TBC1D5: variants seen among roughly 807,000 people sequenced by gnomAD.
TBC1D5 encodes TBC1 domain family, member 5.
Under a neutral mutation model 100.3 loss-of-function variants are expected in TBC1D5, and 75 were observed. The observed-to-expected ratio is 0.75, with a 90% CI of 0.62 to 0.91. TBC1D5 has a LOEUF of 0.91. Ranked by LOEUF, TBC1D5 falls within the 40% of genes least tolerant of loss-of-function variation. The probability of loss-of-function intolerance (pLI) is 0.00; values close to 1 mark genes in which losing one functional copy is unlikely to be tolerated. For missense variants in TBC1D5, 910 were observed against 942.4 expected (o/e 0.97, Z 0.45); for synonymous variants, 323 against 325.6 (o/e 0.99, Z 0.09).
chr3:17,685,045 AT>A (rs747953937), intron 1 of TBC1D5, among the ~76,000 whole-genome samples: 3 of 152,202 alleles, frequency 2.0e-5, no homozygotes, highest in Non-Finnish European at 2.9e-5. Flanking sequence ...TGAGGTTTAC[AT>A]GTTCAATCAC....
intron 16 of TBC1D5, among the ~76,000 whole-genome samples, chr3:17,242,290 A>G (rs2076369637): frequency 6.6e-6 from 1 of 152,132 alleles, no homozygotes; most frequent in South Asian, 2.1e-4. Context: ...CTGGATCTAA[A>G]TATTTACAAA....
intron 9 of TBC1D5, among the ~76,000 whole-genome samples, chr3:17,379,036 T>C (rs17043527): frequency 0.022 from 3,393 of 151,980 alleles, 122 homozygotes; most frequent in African/African-American, 0.076. Context: ...TAACAATAAC[T>C]GTACCATTAT....
chr3:17,632,613 T>C (rs1041467291), intron 1 of TBC1D5, among the ~76,000 whole-genome samples: 1 of 152,202 alleles, frequency 6.6e-6, no homozygotes, highest in African/African-American at 2.4e-5. Context: ...AAGAAATTGC[T>C]ACAGACAAGC....
At chr3:17,451,497 A>C (rs1052621504) in intron 3 of TBC1D5, among the ~76,000 whole-genome samples, 1 of 152,182 alleles carries the variant, frequency 6.6e-6, no homozygotes, top group Non-Finnish European at 1.5e-5. Context: ...AAAAGTCAGG[A>C]AACAACAGAT....
chr3:17,327,046 A>T (rs1168033954), intron 13 of TBC1D5, among the ~76,000 whole-genome samples: 1 of 152,188 alleles, frequency 6.6e-6, no homozygotes, highest in East Asian at 1.9e-4. Context: ...TGATACCAAC[A>T]TTATTAACAC....
intron 18 of TBC1D5, among the ~76,000 whole-genome samples, chr3:17,191,185 T>G (rs191417064): frequency 6.6e-6 from 1 of 152,338 alleles, no homozygotes; most frequent in East Asian, 1.9e-4. Flanking sequence ...ATCACAAGCC[T>G]TAAAATCAGT....
chr3:17,204,144 G>A (rs202086427), intron 18 of TBC1D5, among the ~76,000 whole-genome samples: 1 of 152,200 alleles, frequency 6.6e-6, no homozygotes, highest in East Asian at 1.9e-4. Context: ...GAGATGCCAG[G>A]GACAAGAGGT....
At chr3:17,599,265 C>A (rs1351030966) in intron 2 of TBC1D5, among the ~76,000 whole-genome samples, 1 of 152,046 alleles carries the variant, frequency 6.6e-6, no homozygotes, top group Non-Finnish European at 1.5e-5. Context: ...TTTTCCAAAA[C>A]CACCCTGGCC....
chr3:17,404,600 G>A, intron 7 of TBC1D5, 94 bp downstream of exon 7: 2 of 1,140,954 alleles, frequency 1.8e-6, no homozygotes, highest in Non-Finnish European at 2.5e-6. Flanking sequence ...CAGTTAGCAT[G>A]AAATATATTG....
chr3:17,556,675 CA>C (rs2096524329), intron 2 of TBC1D5, among the ~76,000 whole-genome samples: 1 of 152,096 alleles, frequency 6.6e-6, no homozygotes, highest in South Asian at 2.1e-4. Context: ...TCTGATTTAT[CA>C]AAAAGGTAAC....
chr3:17,296,507 C>A (rs890483994), intron 14 of TBC1D5, among the ~76,000 whole-genome samples: 2 of 152,070 alleles, frequency 1.3e-5, no homozygotes, highest in East Asian at 3.9e-4. Context: ...ATGTGATTGC[C>A]AATGGACCAG....
At chr3:17,353,492 T>C (rs2090874569) in intron 13 of TBC1D5, among the ~76,000 whole-genome samples, 1 of 152,100 alleles carries the variant, frequency 6.6e-6, no homozygotes, top group Admixed American at 6.6e-5. Flanking sequence ...TTTGCATAAA[T>C]ATCAGACAAT....
intron 1 of TBC1D5, among the ~76,000 whole-genome samples, chr3:17,659,284 G>A (rs1428935841): frequency 6.6e-6 from 1 of 152,106 alleles, no homozygotes; most frequent in African/African-American, 2.4e-5. Flanking sequence ...AAAAAGTCAA[G>A]GTGCTGAATA....
intron 1 of TBC1D5, among the ~76,000 whole-genome samples, chr3:17,695,875 G>C (rs1001470789): frequency 2.0e-5 from 3 of 152,116 alleles, no homozygotes; most frequent in African/African-American, 7.2e-5. Context: ...AAATGTAAAA[G>C]AACATAAATC....
intron 1 of TBC1D5, among the ~76,000 whole-genome samples, chr3:17,691,040 T>G (rs1472433293): frequency 6.6e-6 from 1 of 152,200 alleles, no homozygotes; most frequent in Non-Finnish European, 1.5e-5. Context: ...TACAAAACAG[T>G]AAGCCAACAG....
chr3:17,317,715 C>G (rs563176526), intron 13 of TBC1D5, among the ~76,000 whole-genome samples: 1 of 152,140 alleles, frequency 6.6e-6, no homozygotes, highest in Non-Finnish European at 1.5e-5. Flanking sequence ...CACGCAATTT[C>G]TGATAATGGC....
intron 13 of TBC1D5, among the ~76,000 whole-genome samples, chr3:17,354,727 A>AC (rs1284885274): frequency 6.6e-6 from 1 of 151,682 alleles, no homozygotes; most frequent in Non-Finnish European, 1.5e-5. Context: ...AAAAAAAAAA[A>AC]CCCCAGAGAA....
intron 2 of TBC1D5, among the ~76,000 whole-genome samples, chr3:17,511,597 T>C (rs1465302651): frequency 6.6e-6 from 1 of 152,024 alleles, no homozygotes; most frequent in African/African-American, 2.4e-5. Context: ...CACAATGATA[T>C]TCATACGTTC....
intron 2 of TBC1D5, among the ~76,000 whole-genome samples, chr3:17,513,874 G>C (rs1027238664): frequency 2.0e-5 from 3 of 152,038 alleles, no homozygotes; most frequent in Admixed American, 1.3e-4. Flanking sequence ...AAGCTTCTCT[G>C]GTAGAAGCTA....
Sources: allele counts gnomAD v4.1 joint callset (sites outside exome capture counted in the v4.1 genomes callset), GRCh38; gene constraint gnomAD v4.1.1; transcripts MANE v1.5; gene names NCBI Gene and HGNC (gene_info 2026-07-23, HGNC 2026-07-21).